The following LGR4 variants were observed in gnomAD, a reference collection of about 807,000 sequenced individuals.
LGR4 encodes the protein leucine rich repeat containing G protein-coupled receptor 4.
A neutral mutation model predicts 84.8 loss-of-function variants in LGR4; 44 were observed. That is an observed-to-expected ratio of 0.52 (90% CI 0.41 to 0.67). The LOEUF is 0.67. Among genes scored for constraint, LGR4 ranks in the 30% least tolerant of loss-of-function variants. LGR4 has a pLI of 0.00. For missense variants in LGR4, 1,032 were observed against 1,131.4 expected, an observed-to-expected ratio of 0.91 and a Z score of 1.26; for synonymous variants, 429 against 434.3, an observed-to-expected ratio of 0.99 and a Z score of 0.15.
intron 1 of LGR4, among the ~76,000 whole-genome samples, chr11:27,422,291 C>T (rs1358361960): frequency 6.6e-6 from 1 of 152,180 alleles, no homozygotes; most frequent in African/African-American, 2.4e-5. Flanking sequence ...TTTATTATGG[C>T]TACACTTATT....
At chr11:27,414,201 T>G (rs897489000) in intron 1 of LGR4, among the ~76,000 whole-genome samples, 2 of 152,098 alleles carry the variant, frequency 1.3e-5, no homozygotes, top group African/African-American at 4.8e-5. Context: ...GCCCATGACC[T>G]TAAGTGCAAA....
At chr11:27,388,366 T>C (rs1733237082) in intron 4 of LGR4, among the ~76,000 whole-genome samples, 1 of 152,108 alleles carries the variant, frequency 6.6e-6, no homozygotes, top group Non-Finnish European at 1.5e-5. Flanking sequence ...ATGAAGAAAA[T>C]ACTATAATTC....
chr11:27,452,329 C>G (rs901072908), intron 1 of LGR4, among the ~76,000 whole-genome samples: 1 of 152,176 alleles, frequency 6.6e-6, no homozygotes, highest in African/African-American at 2.4e-5. Flanking sequence ...CTTCACCCAG[C>G]TTTTCCCAAT....
At chr11:27,471,512 T>G (rs988301726) in intron 1 of LGR4, among the ~76,000 whole-genome samples, 3 of 152,190 alleles carry the variant, frequency 2.0e-5, no homozygotes, top group African/African-American at 2.4e-5. Flanking sequence ...GTTAGTGGGG[T>G]AGTCCCGAGT....
At chr11:27,460,458 A>T (rs1864660785) in intron 1 of LGR4, among the ~76,000 whole-genome samples, 1 of 152,238 alleles carries the variant, frequency 6.6e-6, no homozygotes, top group Admixed American at 6.5e-5. Context: ...GCAATACCCA[A>T]ATCCCCTGTG....
intron 1 of LGR4, among the ~76,000 whole-genome samples, chr11:27,436,600 AT>A (rs920259521): frequency 6.6e-6 from 1 of 152,238 alleles, no homozygotes; most frequent in Non-Finnish European, 1.5e-5. Flanking sequence ...TTTTCACCAT[AT>A]TTTTTTATCA....
At chr11:27,451,717 C>A (rs1032932607) in intron 1 of LGR4, among the ~76,000 whole-genome samples, 1 of 152,122 alleles carries the variant, frequency 6.6e-6, no homozygotes, top group Non-Finnish European at 1.5e-5. Flanking sequence ...ATTGGTTAAT[C>A]CAGTAATTAA....
At chr11:27,448,559 T>C (rs1864431839) in intron 1 of LGR4, among the ~76,000 whole-genome samples, 1 of 152,232 alleles carries the variant, frequency 6.6e-6, no homozygotes, top group Admixed American at 6.5e-5. Context: ...CCCAAAGTGC[T>C]AGGATTACAG....
intron 2 of LGR4, among the ~76,000 whole-genome samples, chr11:27,411,628 C>G (rs1423341124): frequency 1.3e-5 from 2 of 152,026 alleles, no homozygotes; most frequent in Non-Finnish European, 2.9e-5. Flanking sequence ...TTAGCTGCAC[C>G]TTTTTCAAAG....
intron 1 of LGR4, among the ~76,000 whole-genome samples, chr11:27,414,645 C>T (rs1303174967): frequency 6.6e-6 from 1 of 152,056 alleles, no homozygotes; most frequent in African/African-American, 2.4e-5. Flanking sequence ...AAAACCCAGG[C>T]CCCAATACTA....
At chr11:27,396,577 T>C (rs1863395007) in intron 2 of LGR4, among the ~76,000 whole-genome samples, 1 of 152,074 alleles carries the variant, frequency 6.6e-6, no homozygotes, top group African/African-American at 2.4e-5. Flanking sequence ...GAAAAAGAGG[T>C]GGCTGATCCT....
chr11:27,464,060 A>G (rs896708989), intron 1 of LGR4, among the ~76,000 whole-genome samples: 2 of 152,234 alleles, frequency 1.3e-5, no homozygotes, highest in Non-Finnish European at 2.9e-5. Flanking sequence ...CACAGTTAAC[A>G]TATCTGCTTT....
intron 4 of LGR4, among the ~76,000 whole-genome samples, chr11:27,387,072 T>C (rs1163224177): frequency 6.6e-6 from 1 of 152,186 alleles, no homozygotes; most frequent in Non-Finnish European, 1.5e-5. Flanking sequence ...CATGGAACTT[T>C]TCCATTCTTA....
chr11:27,432,960 A>C (rs1023226812), intron 1 of LGR4, among the ~76,000 whole-genome samples: 12 of 152,198 alleles, frequency 7.9e-5, no homozygotes, highest in Non-Finnish European at 4.4e-5. Context: ...AGACAAGCAG[A>C]GCTACTGAAA....
chr11:27,433,358 G>C (rs1486612717), intron 1 of LGR4, among the ~76,000 whole-genome samples: 2 of 151,202 alleles, frequency 1.3e-5, no homozygotes, highest in African/African-American at 2.4e-5. Flanking sequence ...GACCACAGGC[G>C]CCTGCCACCA....
intron 2 of LGR4, among the ~76,000 whole-genome samples, chr11:27,408,881 G>T (rs1337239768): frequency 6.6e-6 from 1 of 152,064 alleles, no homozygotes; most frequent in Non-Finnish European, 1.5e-5. Context: ...AGTTCTGTGA[G>T]AAGTTCCATT....
intron 2 of LGR4, among the ~76,000 whole-genome samples, chr11:27,410,530 T>C (rs1322570858): frequency 6.6e-6 from 1 of 152,118 alleles, no homozygotes; most frequent in Non-Finnish European, 1.5e-5. Flanking sequence ...AGTTATGCTG[T>C]TTATGAAATA....
At chr11:27,376,061 C>A (rs1220353094) in intron 13 of LGR4, among the ~76,000 whole-genome samples, 1 of 151,438 alleles carries the variant, frequency 6.6e-6, no homozygotes. Flanking sequence ...ACTGCAATCT[C>A]CACCTCCAGG....
In LGR4 at chr11:27,368,819, A is replaced by G; in HGVS notation, c.1904T>C (p.Leu635Ser). Reference protein sequence around the residue: ...AVFSSESAIFLLMLATVERSL... With the variant: ...AVFSSESAIFSLMLATVERSL... ...TCTTTCGACAGTTGCTAGCATTAAT[A>G]AAAATATGGCACTTTCTGAGGAGAA... The change falls in exon 18 of 18, where the codon TTA (leucine) becomes TCA (serine). Residue 635 changes from leucine to serine, a missense_variant. By Grantham distance (145) the Leu-to-Ser change is moderately radical (BLOSUM62 -2). Coordinates refer to ENST00000379214, the MANE Select transcript of LGR4 (RefSeq NM_018490.5). The G allele has an allele frequency of 6.2e-7, 1 of 1,614,160 alleles. No individual in the cohort carries two copies. Among genetic ancestry groups the G allele is most frequent in the Non-Finnish European group, 8.5e-7 (1 of 1,180,012 alleles).
Sources: allele counts gnomAD v4.1 joint callset (sites outside exome capture counted in the v4.1 genomes callset), GRCh38; gene constraint gnomAD v4.1.1; transcripts MANE v1.5; gene names NCBI Gene and HGNC (gene_info 2026-07-23, HGNC 2026-07-21).